CCNJL: variants seen among roughly 807,000 people sequenced by gnomAD.
CCNJL encodes the protein cyclin-J-like protein.
CCNJL carries 33 observed loss-of-function variants against 33.4 expected under a neutral mutation model. That is an observed-to-expected ratio of 0.99 (90% CI 0.75 to 1.32). The LOEUF (loss-of-function observed/expected upper bound fraction) is 1.32, where lower values mean the gene tolerates loss of function less well. CCNJL is among the 40% of genes most tolerant of loss of function. The pLI, the probability that CCNJL is intolerant of heterozygous loss-of-function variation, is 0.00. For synonymous variants in CCNJL, 227 were observed against 220.9 expected (o/e 1.03, Z -0.24); for missense variants, 512 against 499.7 (o/e 1.02, Z -0.23).
intron 3 of CCNJL, among the ~76,000 whole-genome samples, chr5:160,269,922 T>G (rs1354478674): frequency 1.3e-5 from 2 of 152,214 alleles, no homozygotes; most frequent in African/African-American, 4.8e-5. Context: ...CTCGGATTCT[T>G]CCTCTGATAC....
At chr5:160,293,841 A>C (rs1190631262) in intron 2 of CCNJL, among the ~76,000 whole-genome samples, 1 of 152,154 alleles carries the variant, frequency 6.6e-6, no homozygotes, top group Non-Finnish European at 1.5e-5. Flanking sequence ...CAATACTTGG[A>C]GGGCGACAAC....
chr5:160,328,092 G>A (rs571176849), intron 1 of CCNJL, among the ~76,000 whole-genome samples: 8 of 152,298 alleles, frequency 5.3e-5, no homozygotes, highest in African/African-American at 1.2e-4. Flanking sequence ...AGGAGTGCGC[G>A]TGGCATGTTA....
At chr5:160,320,785 TTTCCTTTCTTTC>T (rs1211685982) in intron 1 of CCNJL, among the ~76,000 whole-genome samples, 5 of 144,888 alleles carry the variant, frequency 3.5e-5, no homozygotes, top group Non-Finnish European at 3.0e-5. Context: ...CTTTTCTTTC[TTTCCTTTCTTTC>T]TTTCTTTCTT....
chr5:160,279,474 G>A (rs141186256), intron 3 of CCNJL, among the ~76,000 whole-genome samples: 2,247 of 152,238 alleles, frequency 0.015, 48 homozygotes, highest in African/African-American at 0.051. Flanking sequence ...TATTTTTGAG[G>A]TCTTACTATG....
chr5:160,321,379 C>T (rs1025216536), intron 1 of CCNJL, among the ~76,000 whole-genome samples: 1 of 152,164 alleles, frequency 6.6e-6, no homozygotes, highest in African/African-American at 2.4e-5. Flanking sequence ...TGCCGGGGGA[C>T]CCTCATGCCT....
chr5:160,316,473 A>G (rs1009445067), upstream of CCNJL, among the ~76,000 whole-genome samples: 3 of 152,134 alleles, frequency 2.0e-5, no homozygotes, highest in African/African-American at 7.2e-5. Flanking sequence ...AAATTGGTCT[A>G]ATATTTTCAC....
At chr5:160,287,398 A>G (rs1762440086) in intron 2 of CCNJL, among the ~76,000 whole-genome samples, 4 of 152,242 alleles carry the variant, frequency 2.6e-5, no homozygotes, top group African/African-American at 9.6e-5. Flanking sequence ...AGAGCCCTCA[A>G]ACCAAGTAGA....
At chr5:160,254,487 C>T (rs761861521) in intron 5 of CCNJL, 9 of 470,590 alleles carry the variant, frequency 1.9e-5, no homozygotes, top group Admixed American at 1.2e-4. Context: ...ATAAGGCCTA[C>T]GGAGTAGGAC....
At chr5:160,321,014 CTTTCTTTCTTTCTT>C (rs766134231) in intron 1 of CCNJL, among the ~76,000 whole-genome samples, 2,058 of 35,358 alleles carry the variant, frequency 0.058, 33 homozygotes, top group Middle Eastern at 0.077. Flanking sequence ...CTCTCTCTCT[CTTTCTTTCTTTCTT>C]TCTTTCTTTC....
chr5:160,262,695 G>C (rs962372419), intron 3 of CCNJL, among the ~76,000 whole-genome samples: 2 of 152,236 alleles, frequency 1.3e-5, no homozygotes, highest in Non-Finnish European at 1.5e-5. Flanking sequence ...GCTGATGGGA[G>C]AACTCAGCTT....
rs145601313 is a variant in CCNJL at position 160,265,923 on chromosome 5, C to T, written c.281-6152G>A. Among the ~76,000 whole-genome samples the T allele has an allele frequency of 9.9e-4, 150 of 152,066 alleles. 1 individual carries two copies. The highest frequency in any genetic ancestry group is 1.9e-3 in the Non-Finnish European group (126 of 67,984). The stretch of plus-strand genomic sequence containing the variant: ...TTAAAAACAAGCAAAGCTATTCTTC[C>T]ACAAGAATGGCCGCTCTCCTATTAA... On this transcript the variant is annotated intron_variant, in intron 3 of 5. Transcript: ENST00000257536.
rs890351679 is a variant in CCNJL, at chr5:160,251,110, A to G, written c.*2268T>C. ...ATTTTTAGATGTGATTAACATTTAC[A>G]ATCAGTTGACTTTAAGAAAAGCCTC... On this transcript the variant is annotated 3_prime_UTR_variant, in exon 6 of 6. Transcript: ENST00000257536. The G allele has an allele frequency of 6.6e-6, 1 of 152,220 alleles. No homozygotes were observed. The highest frequency in any genetic ancestry group is 2.4e-5 in the African/African-American group (1 of 41,456). 9.4% of individuals were successfully genotyped at this position (152,220 alleles called of 1,614,324 possible). A position where few individuals can be genotyped will look rare whatever the true frequency, so the allele number is the denominator to read the frequency against.
intron 3 of CCNJL, chr5:160,274,761 C>CA (rs888003441): frequency 6.6e-6 from 1 of 152,492 alleles, no homozygotes; most frequent in African/African-American, 2.4e-5. Flanking sequence ...CTGCTTTTCA[C>CA]AGACAACAGG....
chr5:160,281,953 G>A (rs907032437), intron 2 of CCNJL, among the ~76,000 whole-genome samples: 12 of 152,010 alleles, frequency 7.9e-5, no homozygotes, highest in Non-Finnish European at 1.5e-4. Context: ...ATCAAGCCCA[G>A]CCTAGACACT....
chr5:160,339,368 A>C lies in CCNJL; in HGVS notation n.206+77T>G, dbSNP rs1763722189. Reference sequence around the variant, plus strand: ...TGAGCAACATGCAAAACAAAAAAAAAAAACAAAAAAAAACGCCAAAACCCC... The same window carrying C: ...TGAGCAACATGCAAAACAAAAAAAACAAACAAAAAAAAACGCCAAAACCCC... On this transcript the variant is annotated intron_variant and non_coding_transcript_variant, in intron 1 of 7. Transcript: ENST00000377503. 1.2e-5 allele frequency: 4 copies of C among 327,590 alleles called. No individual in the cohort carries two copies. In the East Asian group the frequency reaches 3.2e-4, roughly 26 times the overall value. The allele number at this position is 327,590 out of a possible 1,614,324, so 20.3% of individuals were successfully genotyped here. A position where few individuals can be genotyped will look rare whatever the true frequency, so the allele number is the denominator to read the frequency against.
intron 4 of CCNJL, 58 bp from the exon 5 acceptor site, chr5:160,255,766 C>G: frequency 4.0e-6 from 6 of 1,496,852 alleles, no homozygotes; most frequent in Non-Finnish European, 5.6e-6. Context: ...AATCCCAGGC[C>G]CACCCTGAGA....
At chr5:160,293,845 C>T (rs958610354) in intron 2 of CCNJL, among the ~76,000 whole-genome samples, 1 of 152,080 alleles carries the variant, frequency 6.6e-6, no homozygotes, top group Non-Finnish European at 1.5e-5. Flanking sequence ...ACTTGGAGGG[C>T]GACAACCACT....
chr5:160,297,754 T>A (rs1244868003), intron 2 of CCNJL, among the ~76,000 whole-genome samples: 2 of 150,498 alleles, frequency 1.3e-5, no homozygotes, highest in African/African-American at 2.5e-5. Flanking sequence ...AAAAGAAATA[T>A]AAATAGAGAA....
chr5:160,323,001 G>A lies in CCNJL; in HGVS notation n.207-7496C>T, dbSNP rs181059677. On this transcript the variant is annotated intron_variant and non_coding_transcript_variant, in intron 1 of 7. Coordinates refer to the CCNJL transcript ENST00000377503. ...TGTAATCCCAGCCCTTTGGGAGGCTGAGGCGGGTGGATCACAAGGTCAGGA... is the reference window on the plus strand; with the variant it reads ...TGTAATCCCAGCCCTTTGGGAGGCTAAGGCGGGTGGATCACAAGGTCAGGA... Among the ~76,000 whole-genome samples, 709 of 151,718 alleles carry A rather than the reference G, an allele frequency of 4.7e-3. 9 individuals carry two copies. Among genetic ancestry groups the A allele is most frequent in the African/African-American group, 0.016 (650 of 41,348 alleles).
Sources: gnomAD v4.1 joint callset for allele counts (sites outside exome capture counted in the v4.1 genomes callset) on GRCh38, gnomAD v4.1.1 for gene constraint, MANE v1.5 for transcripts, NCBI Gene and HGNC (gene_info 2026-07-23, HGNC 2026-07-21) for gene names.